GRIK2: variants seen among roughly 807,000 people sequenced by gnomAD.
GRIK2 encodes the protein glutamate ionotropic receptor kainate type subunit 2, also known as glutamate receptor ionotropic, kainate 2.
In GRIK2, 32 loss-of-function variants were observed where a neutral mutation model predicts 100.3. The observed-to-expected ratio is 0.32, with a 90% CI of 0.24 to 0.43. GRIK2 has a LOEUF of 0.43. Ranked by LOEUF, GRIK2 falls within the 20% of genes least tolerant of loss-of-function variation. The probability of loss-of-function intolerance (pLI) is 1.00; values close to 1 mark genes in which losing one functional copy is unlikely to be tolerated. For missense variants in GRIK2, 843 were observed against 1,114.9 expected (o/e 0.76, Z 3.47); for synonymous variants, 417 against 389.4 (o/e 1.07, Z -0.83).
Position 101,598,126 on chromosome 6 carries a change from G to A in GRIK2, c.116-23823G>A, listed in dbSNP as rs1354155580. Among the ~76,000 whole-genome samples the A allele has an allele frequency of 4.6e-5, 7 of 151,792 alleles. No homozygotes were observed. In the East Asian group the frequency reaches 1.2e-3, roughly 25 times the overall value. ...ATAGTAAGCCTTTCTATTTTTAAAA[G>A]TCATTTGGATAATGCTCTCTCTCTT... is the stretch of plus-strand genomic sequence containing the variant. On this transcript the variant is annotated intron_variant, in intron 2 of 16. Coordinates refer to ENST00000369134, the MANE Select transcript of GRIK2 (RefSeq NM_021956.5).
intron 2 of GRIK2, among the ~76,000 whole-genome samples, chr6:101,464,044 C>T (rs1313108017): frequency 6.6e-6 from 1 of 152,124 alleles, no homozygotes; most frequent in African/African-American, 2.4e-5. Flanking sequence ...AGATACATAA[C>T]CTTTCCTCGA....
chr6:101,399,928 C>T (rs1775196603), intron 2 of GRIK2, among the ~76,000 whole-genome samples: 1 of 152,226 alleles, frequency 6.6e-6, no homozygotes, highest in Non-Finnish European at 1.5e-5. Context: ...GTTTTCACCG[C>T]TTTTCCAGTC....
At chr6:101,543,958 T>C (rs970794188) in intron 2 of GRIK2, among the ~76,000 whole-genome samples, 2 of 151,846 alleles carry the variant, frequency 1.3e-5, no homozygotes, top group African/African-American at 4.8e-5. Flanking sequence ...GTAAGCAGAG[T>C]ATAATATAGC....
At position 101,486,523 on chromosome 6, in the gene GRIK2, T is replaced by C. The variant is rs998126204; in HGVS notation, c.115+87131T>C. ...TGTAATGTAGAGCACCTAGAAGATA[T>C]ATTTGTGTTTACTTTAAGCATTAGG... On this transcript the variant is annotated intron_variant, in intron 2 of 16. Transcript: ENST00000369134. Among the ~76,000 whole-genome samples the C allele has an allele frequency of 1.5e-4, 23 of 152,168 alleles. No homozygotes were observed. The East Asian group carries it at 2.1e-3, about 14-fold the overall frequency.
At chr6:101,586,695 C>T (rs187897203) in intron 2 of GRIK2, among the ~76,000 whole-genome samples, 1 of 150,808 alleles carries the variant, frequency 6.6e-6, no homozygotes, top group East Asian at 1.9e-4. Context: ...ATGGCAAAAC[C>T]CCATCTCTAC....
intron 5 of GRIK2, among the ~76,000 whole-genome samples, chr6:101,677,376 T>C (rs1416569818): frequency 6.6e-6 from 1 of 152,104 alleles, no homozygotes; most frequent in African/African-American, 2.4e-5. Context: ...TGTTAACAAG[T>C]ATTCATTCCA....
chr6:101,960,853 G>A (rs1322701730), intron 14 of GRIK2, among the ~76,000 whole-genome samples: 1 of 152,110 alleles, frequency 6.6e-6, no homozygotes, highest in Non-Finnish European at 1.5e-5. Flanking sequence ...GCTGTCTGTG[G>A]TATATACTTG....
At chr6:101,508,869 T>G (rs1019732799) in intron 2 of GRIK2, among the ~76,000 whole-genome samples, 2 of 151,976 alleles carry the variant, frequency 1.3e-5, no homozygotes, top group Non-Finnish European at 2.9e-5. Flanking sequence ...TAAAATGGTG[T>G]TGTAGGCTGG....
At chr6:101,534,718 G>T (rs539492241) in intron 2 of GRIK2, among the ~76,000 whole-genome samples, 185 of 151,856 alleles carry the variant, frequency 1.2e-3, no homozygotes, top group Non-Finnish European at 2.0e-3. Flanking sequence ...TTTGAGCTAC[G>T]AAATGAATCA....
chr6:101,670,275 G>T (rs1213477532), intron 4 of GRIK2, among the ~76,000 whole-genome samples: 3 of 152,048 alleles, frequency 2.0e-5, no homozygotes, highest in Admixed American at 2.0e-4. Flanking sequence ...TGGAATGAAT[G>T]AATGAAGATA....
chr6:101,648,474 A>C (rs1330610858), intron 4 of GRIK2, among the ~76,000 whole-genome samples: 2 of 152,102 alleles, frequency 1.3e-5, no homozygotes, highest in Non-Finnish European at 2.9e-5. Context: ...ATTACCTTAC[A>C]TCTATGTAGA....
intron 2 of GRIK2, among the ~76,000 whole-genome samples, chr6:101,565,960 A>ATAT (rs1200173639): frequency 1.6e-5 from 2 of 128,236 alleles, no homozygotes; most frequent in African/African-American, 6.4e-5. Flanking sequence ...TATATATATA[A>ATAT]GCAAACTAGA....
chr6:101,577,854 G>A (rs1777862324), intron 2 of GRIK2, among the ~76,000 whole-genome samples: 2 of 152,102 alleles, frequency 1.3e-5, no homozygotes, highest in South Asian at 4.1e-4. Context: ...AAGGAAAGAT[G>A]CCATTAATCT....
chr6:101,857,119 GA>G, intron 10 of GRIK2, among the ~76,000 whole-genome samples: 1 of 152,176 alleles, frequency 6.6e-6, no homozygotes. Context: ...CAAGGCAGGG[GA>G]AAAAATGGTG....
intron 2 of GRIK2, among the ~76,000 whole-genome samples, chr6:101,495,471 A>G (rs1773393157): frequency 1.3e-5 from 2 of 152,152 alleles, no homozygotes; most frequent in African/African-American, 2.4e-5. Flanking sequence ...TTGCCACTGC[A>G]CTCTAGCCTG....
At chr6:101,833,413 G>A (rs1782832609) in intron 10 of GRIK2, among the ~76,000 whole-genome samples, 1 of 151,594 alleles carries the variant, frequency 6.6e-6, no homozygotes, top group African/African-American at 2.4e-5. Context: ...TTTTGTATTT[G>A]TAGTAGAAAC....
chr6:101,538,299 A>T (rs1775815139), intron 2 of GRIK2, among the ~76,000 whole-genome samples: 1 of 151,680 alleles, frequency 6.6e-6, no homozygotes, highest in Admixed American at 6.6e-5. Flanking sequence ...GTTCTGAAAA[A>T]CTATCCTGAT....
At chr6:101,924,107 G>C (rs1789734895) in intron 12 of GRIK2, among the ~76,000 whole-genome samples, 1 of 151,862 alleles carries the variant, frequency 6.6e-6, no homozygotes, top group Admixed American at 6.6e-5. Flanking sequence ...GAATCATTTT[G>C]TTAGATACAT....
chr6:101,420,801 A>AG (rs1280253583), intron 2 of GRIK2, among the ~76,000 whole-genome samples: 1 of 152,172 alleles, frequency 6.6e-6, no homozygotes, highest in African/African-American at 2.4e-5. Context: ...GCAAATATGA[A>AG]GGTTTTTTTA....
Sources: gnomAD v4.1 joint callset for allele counts (sites outside exome capture counted in the v4.1 genomes callset) on GRCh38, gnomAD v4.1.1 for gene constraint, MANE v1.5 for transcripts, NCBI Gene and HGNC (gene_info 2026-07-23, HGNC 2026-07-21) for gene names.